Variants in SGCB observed in about 807,000 individuals in gnomAD.
SGCB encodes sarcoglycan beta.
SGCB carries 25 observed loss-of-function variants against 27.3 expected under a neutral mutation model. The observed-to-expected ratio is 0.92, with a 90% CI of 0.67 to 1.28. The LOEUF (loss-of-function observed/expected upper bound fraction) is 1.28, where lower values mean the gene tolerates loss of function less well. SGCB is among the 50% of genes most tolerant of loss of function. The pLI, the probability that SGCB is intolerant of heterozygous loss-of-function variation, is 0.00. For missense variants in SGCB, 436 were observed against 402.1 expected, an observed-to-expected ratio of 1.08 and a Z score of -0.72; for synonymous variants, 147 against 133.5, an observed-to-expected ratio of 1.10 and a Z score of -0.70.
rs148263418 is a variant in SGCB at position 52,029,380 on chromosome 4, T to C, written c.429+298A>G. ...ATATGGAGGAGAAAAGAGTAACCTA[T>C]GTATTCTCATACAAATTACATCTGT... is the stretch of plus-strand genomic sequence containing the variant. On this transcript the variant is annotated intron_variant, in intron 3 of 5. Transcript: ENST00000381431. Among the ~76,000 whole-genome samples the C allele has an allele frequency of 3.3e-5, 5 of 152,200 alleles. No homozygotes were observed. In the East Asian group the frequency reaches 5.8e-4, roughly 18 times the overall value.
chr4:52,030,831 TG>T (rs2109373073), intron 2 of SGCB, among the ~76,000 whole-genome samples: 1 of 152,338 alleles, frequency 6.6e-6, no homozygotes, highest in Non-Finnish European at 1.5e-5. Flanking sequence ...TTCTAAGCAA[TG>T]TATGAGAAGT....
At chr4:52,038,191 C>A in intron 1 of SGCB, 36 bp downstream of exon 1, 1 of 1,218,452 alleles carries the variant, frequency 8.2e-7, no homozygotes, top group Non-Finnish European at 1.0e-6. Context: ...GCCTCCCCCG[C>A]TCCTCCAGCC....
rs2109369930 is a variant in SGCB at position 52,027,992 on chromosome 4, C to G, written c.729G>C (p.Met243Ile). ...FIMGKTIEFHMGGNMELKAEN... is the reference protein window; with the variant it reads ...FIMGKTIEFHIGGNMELKAEN... ...CCGCCTTTAACTCCATATTACCACC[C>G]ATGTGAAATTCAATGGTTTTGCCCA... The change falls in exon 5 of 6, where the codon ATG becomes ATC. Residue 243 changes from methionine to isoleucine, a missense_variant. Met to Ile is a conservative substitution (Grantham distance 10). Transcript: ENST00000381431. The G allele has an allele frequency of 6.2e-7, 1 of 1,613,866 alleles. No individual in the cohort carries two copies.
chr4:52,035,557 T>C (rs1023282053), intron 1 of SGCB, among the ~76,000 whole-genome samples: 2 of 152,120 alleles, frequency 1.3e-5, no homozygotes, highest in African/African-American at 4.8e-5. Flanking sequence ...TTCTATTTAA[T>C]TGGGAGTCAC....
At chr4:52,028,947 A>AAAG (rs766289567) in intron 3 of SGCB, 26 bp from the exon 4 acceptor site, 2 of 1,563,376 alleles carry the variant, frequency 1.3e-6, no homozygotes, top group African/African-American at 2.7e-5. Flanking sequence ...TTTATTGTGA[A>AAAG]TATATTTTCA....
chr4:52,027,822 C>A lies in SGCB; in HGVS notation c.753+146G>T, dbSNP rs545720896. 24 of 722,672 alleles carry A rather than the reference C, an allele frequency of 3.3e-5. No homozygotes were observed. The East Asian group carries it at 4.3e-4, about 13-fold the overall frequency. 44.8% of individuals were successfully genotyped at this position (722,672 alleles called of 1,614,324 possible). A position where few individuals can be genotyped will look rare whatever the true frequency, so the allele number is the denominator to read the frequency against. On this transcript the variant is annotated intron_variant, in intron 5 of 5. Coordinates refer to ENST00000381431, the MANE Select transcript of SGCB (RefSeq NM_000232.5). ...ATTTCACAAATTGTTTTGTAACTTT[C>A]TTTTACTTCACAACCCACTTTGAAC...
chr4:52,024,163 AT>A lies in SGCB; in HGVS notation c.754-4del. The A allele has an allele frequency of 6.2e-7, 1 of 1,610,610 alleles. No homozygotes were observed. Among genetic ancestry groups the A allele is most frequent in the Non-Finnish European group, 8.5e-7 (1 of 1,177,248 alleles). ...CCATTTAGGATGATACTGTTTTCCT[AT>A]TAGGAGAATAGTAATATGATTTATT... On this transcript the variant is annotated splice_polypyrimidine_tract_variant and splice_region_variant and intron_variant, in intron 5 of 5. Transcript: ENST00000381431.
intron 5 of SGCB, 131 bp downstream of exon 5, chr4:52,027,837 C>A (rs954999586): frequency 2.4e-6 from 2 of 832,276 alleles, no homozygotes; most frequent in African/African-American, 1.7e-5. Context: ...ACTTCACAAC[C>A]CACTTTGAAC....
intron 2 of SGCB, among the ~76,000 whole-genome samples, chr4:52,030,100 G>C (rs1229946013): frequency 2.6e-5 from 4 of 152,018 alleles, no homozygotes; most frequent in Admixed American, 2.0e-4. Flanking sequence ...AAAATGAATA[G>C]TTTCTTATTT....
At chr4:52,032,655 C>T (rs1388785389) in intron 2 of SGCB, among the ~76,000 whole-genome samples, 4 of 152,134 alleles carry the variant, frequency 2.6e-5, no homozygotes, top group African/African-American at 4.8e-5. Flanking sequence ...TTTGGACATA[C>T]ATAAATACAA....
At position 52,029,836 on chromosome 4, in the gene SGCB, G is replaced by A. The variant is rs555514820; in HGVS notation, c.271C>T (p.Arg91Cys). 19 of 1,613,656 alleles carry A rather than the reference G, an allele frequency of 1.2e-5. No homozygotes were observed. The highest frequency in any genetic ancestry group is 1.1e-4 in the South Asian group (10 of 91,062). The change falls in exon 3 of 6, where the codon CGC becomes TGC. Residue 91 changes from arginine (R) to cysteine (C), a missense_variant. By Grantham distance (180) the Arg-to-Cys change is radical. Coordinates refer to ENST00000381431, the MANE Select transcript of SGCB (RefSeq NM_000232.5). ...IITLVIWAVI[R>C]IGPNGCDSME... ...CTATCACAGCCATTTGGTCCAATGC[G>A]AATCACGGCCCAAATAACAAGTGTT...
Position 52,033,382 on chromosome 4 carries a change from T to TA in SGCB, c.243+48dup, listed in dbSNP as rs371913895. Reference sequence around the variant, plus strand: ...GTCTATGATTTCACTATAAAGCAGATAAAAAATTCCCCATGGCAATTAAAA... The same window carrying TA: ...GTCTATGATTTCACTATAAAGCAGATAAAAAAATTCCCCATGGCAATTAAAA... On this transcript the variant is annotated intron_variant, in intron 2 of 5. Coordinates refer to ENST00000381431, the MANE Select transcript of SGCB (RefSeq NM_000232.5). 6.7e-4 allele frequency: 811 copies of TA among 1,215,298 alleles called. 5 individuals carry two copies. In the African/African-American group the frequency reaches 0.01, roughly 15 times the overall value. The allele number at this position is 1,215,298 out of a possible 1,614,324, so 75.3% of individuals were successfully genotyped here.
At chr4:52,028,418 A>G (rs1737162791) in intron 4 of SGCB, among the ~76,000 whole-genome samples, 1 of 152,202 alleles carries the variant, frequency 6.6e-6, no homozygotes, top group Non-Finnish European at 1.5e-5. Flanking sequence ...CGGGCGGATC[A>G]CGAGGTCAGG....
chr4:52,032,347 T>C (rs185596288), intron 2 of SGCB, among the ~76,000 whole-genome samples: 11 of 152,336 alleles, frequency 7.2e-5, no homozygotes, highest in African/African-American at 2.2e-4. Context: ...CTCTGATAAG[T>C]TATCTGCCAT....
chr4:52,033,774 AC>A, intron 1 of SGCB, 134 bp from the exon 2 acceptor site: 3 of 732,580 alleles, frequency 4.1e-6, no homozygotes, highest in Non-Finnish European at 7.3e-6. Context: ...ACTGCAAATC[AC>A]ATTGAGTTGC....
chr4:52,030,449 T>A (rs1420513082), intron 2 of SGCB, among the ~76,000 whole-genome samples: 1 of 152,330 alleles, frequency 6.6e-6, no homozygotes, highest in East Asian at 1.9e-4. Context: ...ATATGTCCTA[T>A]AATGGCAGTT....
rs772295815 is a variant in SGCB, at chr4:52,028,748, T to C, written c.603A>G (p.Gln201=). The C allele has an allele frequency of 6.2e-7, 1 of 1,612,112 alleles. No homozygotes were observed. Among genetic ancestry groups the C allele is most frequent in the South Asian group, 1.1e-5 (1 of 91,012 alleles). ...LPSGVKSLNV[Q]KASTERITSN... ...ATCATACCCTTTCAGTAGATGCCTT[T>C]TGAACATTCAAACTTTTCACTCCAC... The change falls in exon 4 of 6, where the codon CAA becomes CAG. Residue 201 remains glutamine (Q), a synonymous_variant. Transcript: ENST00000381431.
chr4:52,038,236 A>AGCCGCC lies in SGCB; in HGVS notation c.18_23dup (p.Ala8_Ala9dup), dbSNP rs768838951. ...GGCGGTACTCACAGACCTGTTCTGC[A>AGCCGCC]GCCGCCGCCGCCGCTGCCGCCATCT... is the stretch of plus-strand genomic sequence containing the variant. On this transcript the variant is annotated inframe_insertion, in exon 1 of 6. Coordinates refer to ENST00000381431, the MANE Select transcript of SGCB (RefSeq NM_000232.5). The AGCCGCC allele has an allele frequency of 1.7e-4, 221 of 1,286,152 alleles. No homozygotes were observed. The highest frequency in any genetic ancestry group is 2.1e-4 in the Non-Finnish European group (211 of 1,012,916). The allele number at this position is 1,286,152 out of a possible 1,614,324, so 79.7% of individuals were successfully genotyped here.
rs2109370917 is a variant in SGCB, at chr4:52,028,772, A to G, written c.579T>C (p.Ser193=). The change falls in exon 4 of 6, where the codon AGT becomes AGC. Residue 193 remains serine (S), a synonymous_variant. Transcript: ENST00000381431. Reference sequence around the variant, plus strand: ...TTTGAACATTCAAACTTTTCACTCCACTTGGCAAATGAAACTCATGAGTTT... The same window carrying G: ...TTTGAACATTCAAACTTTTCACTCCGCTTGGCAAATGAAACTCATGAGTTT... ...DYETHEFHLP[S]GVKSLNVQKA... is the part of the protein sequence containing the mutation. 2 of 1,613,942 alleles carry G rather than the reference A, an allele frequency of 1.2e-6. No homozygotes were observed. Among genetic ancestry groups the G allele is most frequent in the Non-Finnish European group, 1.7e-6 (2 of 1,179,852 alleles).
Sources: allele counts gnomAD v4.1 joint callset (sites outside exome capture counted in the v4.1 genomes callset), GRCh38; gene constraint gnomAD v4.1.1; transcripts MANE v1.5; gene names NCBI Gene and HGNC (gene_info 2026-07-23, HGNC 2026-07-21).